THSD7B: variants seen among roughly 807,000 people sequenced by gnomAD.
The protein encoded by THSD7B is thrombospondin type-1 domain-containing protein 7B.
A neutral mutation model predicts 213.6 loss-of-function variants in THSD7B; 138 were observed. That is an observed-to-expected ratio of 0.65 (90% CI 0.56 to 0.74). The LOEUF (loss-of-function observed/expected upper bound fraction) is 0.74. Among genes scored for constraint, THSD7B ranks in the 30% least tolerant of loss-of-function variants. The pLI, the probability that THSD7B is intolerant of heterozygous loss-of-function variation, is 0.00. For missense variants in THSD7B, 1,931 were observed against 1,991.5 expected, an observed-to-expected ratio of 0.97 and a Z score of 0.58; for synonymous variants, 742 against 687.0, an observed-to-expected ratio of 1.08 and a Z score of -1.25.
chr2:137,515,156 A>T (rs1340864187), intron 15 of THSD7B, among the ~76,000 whole-genome samples: 1 of 152,008 alleles, frequency 6.6e-6, no homozygotes, highest in Non-Finnish European at 1.5e-5. Flanking sequence ...AAAGAATAGG[A>T]CCCTGCGACT....
chr2:136,974,596 T>C (rs568706221), intron 2 of THSD7B, among the ~76,000 whole-genome samples: 1 of 152,334 alleles, frequency 6.6e-6, no homozygotes, highest in Non-Finnish European at 1.5e-5. Flanking sequence ...ATCCAGACTA[T>C]CATTCGTGGG....
chr2:137,410,789 A>T (rs1396573069), intron 13 of THSD7B, among the ~76,000 whole-genome samples: 1 of 152,222 alleles, frequency 6.6e-6, no homozygotes. Flanking sequence ...CTAGCTAATG[A>T]CTCATTAATG....
chr2:137,659,626 A>C, intron 24 of THSD7B, 38 bp from the exon 25 acceptor site: 7 of 1,545,138 alleles, frequency 4.5e-6, no homozygotes, highest in Non-Finnish European at 6.1e-6. Flanking sequence ...AATATCTAAT[A>C]GAGAAATCTG....
intron 3 of THSD7B, among the ~76,000 whole-genome samples, chr2:137,062,418 A>T (rs139929536): frequency 6.6e-6 from 1 of 151,652 alleles, no homozygotes; most frequent in African/African-American, 2.4e-5. Flanking sequence ...CTAAGGTGGA[A>T]ACTTAGGTTA....
chr2:137,128,229 C>A (rs1399376481), intron 5 of THSD7B, among the ~76,000 whole-genome samples: 1 of 151,996 alleles, frequency 6.6e-6, no homozygotes, highest in East Asian at 1.9e-4. Context: ...CTTACAACAC[C>A]ACTCGTCATT....
At chr2:136,957,049 C>T (rs1450726891) in intron 2 of THSD7B, among the ~76,000 whole-genome samples, 1 of 152,116 alleles carries the variant, frequency 6.6e-6, no homozygotes, top group Non-Finnish European at 1.5e-5. Context: ...ATTGCCCCTT[C>T]CACTGGTGAC....
intron 14 of THSD7B, among the ~76,000 whole-genome samples, chr2:137,440,986 T>C (rs1407861851): frequency 1.3e-5 from 2 of 152,140 alleles, no homozygotes; most frequent in Admixed American, 6.6e-5. Context: ...AGTTGGGAAA[T>C]GAAGCTGCTA....
At chr2:137,230,197 T>C (rs1681605846) in intron 7 of THSD7B, among the ~76,000 whole-genome samples, 1 of 152,228 alleles carries the variant, frequency 6.6e-6, no homozygotes, top group Non-Finnish European at 1.5e-5. Flanking sequence ...TCATTTGAAA[T>C]ATTTTTCCAT....
intron 10 of THSD7B, among the ~76,000 whole-genome samples, chr2:137,244,556 G>C (rs200164794): frequency 6.6e-6 from 1 of 152,168 alleles, no homozygotes; most frequent in Non-Finnish European, 1.5e-5. Context: ...CACAGGGCAT[G>C]TAAAGTAATT....
At chr2:137,473,639 T>A (rs556681721) in intron 15 of THSD7B, among the ~76,000 whole-genome samples, 26 of 152,228 alleles carry the variant, frequency 1.7e-4, no homozygotes, top group Non-Finnish European at 2.4e-4. Flanking sequence ...AGATGTGTGA[T>A]TGGGAGTGCA....
At chr2:137,282,068 G>A (rs1441803601) in intron 12 of THSD7B, among the ~76,000 whole-genome samples, 2 of 151,416 alleles carry the variant, frequency 1.3e-5, no homozygotes, top group African/African-American at 4.9e-5. Flanking sequence ...AGCACCTGTT[G>A]TTTCCTGACT....
Position 137,170,770 on chromosome 2 carries a change from A to G in THSD7B, c.1555A>G (p.Met519Val). The G allele has an allele frequency of 6.2e-7, 1 of 1,613,572 alleles. No individual in the cohort carries two copies. The highest frequency in any genetic ancestry group is 8.5e-7 in the Non-Finnish European group (1 of 1,179,696). ...TAGAACGAGGCAGCGCCATGTCCTC[A>G]TGGAATCTACAGGGCCTGCAGGGCA... ...GFRTRQRHVL[M>V]ESTGPAGHCP... is the part of the protein sequence containing the mutation. Residue 519 changes from methionine (M) to valine (V), a missense_variant, in exon 7 of 28, where the codon ATG (methionine) becomes GTG (valine). By Grantham distance (21) the Met-to-Val change is conservative (BLOSUM62 1). Coordinates refer to ENST00000409968, the MANE Select transcript of THSD7B (RefSeq NM_001316349.2).
intron 2 of THSD7B, among the ~76,000 whole-genome samples, chr2:136,911,993 A>G (rs1046833301): frequency 2.0e-5 from 3 of 152,090 alleles, no homozygotes; most frequent in Non-Finnish European, 4.4e-5. Context: ...GGGCTGTTGG[A>G]TAGCGGAATG....
chr2:136,840,119 C>T (rs541383078), intron 1 of THSD7B, among the ~76,000 whole-genome samples: 4 of 152,290 alleles, frequency 2.6e-5, no homozygotes, highest in Admixed American at 6.5e-5. Flanking sequence ...TGGCTCACAC[C>T]TGTAATCCCA....
At chr2:137,529,842 T>G (rs1223331396) in intron 15 of THSD7B, among the ~76,000 whole-genome samples, 1 of 151,968 alleles carries the variant, frequency 6.6e-6, no homozygotes, top group African/African-American at 2.4e-5. Flanking sequence ...TGTCAGCACT[T>G]AGAGAAGTGT....
intron 15 of THSD7B, among the ~76,000 whole-genome samples, chr2:137,524,529 C>T (rs1253935222): frequency 6.6e-6 from 1 of 152,044 alleles, no homozygotes; most frequent in African/African-American, 2.4e-5. Context: ...TGGCTGCATC[C>T]TTGTTTATGT....
At chr2:137,143,749 T>C (rs1422270218) in intron 5 of THSD7B, among the ~76,000 whole-genome samples, 1 of 152,128 alleles carries the variant, frequency 6.6e-6, no homozygotes, top group Non-Finnish European at 1.5e-5. Flanking sequence ...TCATTTTTCA[T>C]TCTGTATCTT....
At chr2:137,557,702 A>G (rs1005525023) in intron 15 of THSD7B, among the ~76,000 whole-genome samples, 6 of 152,204 alleles carry the variant, frequency 3.9e-5, no homozygotes, top group Non-Finnish European at 7.3e-5. Context: ...GAAGGCAAGA[A>G]ATAACTAAGA....
chr2:136,932,044 C>T (rs1017187174), intron 2 of THSD7B, among the ~76,000 whole-genome samples: 3 of 152,098 alleles, frequency 2.0e-5, no homozygotes, highest in African/African-American at 7.2e-5. Flanking sequence ...ATTTCAAGTA[C>T]ATTGGTGGCT....
Sources: allele counts gnomAD v4.1 joint callset (sites outside exome capture counted in the v4.1 genomes callset), GRCh38; gene constraint gnomAD v4.1.1; transcripts MANE v1.5; gene names NCBI Gene and HGNC (gene_info 2026-07-23, HGNC 2026-07-21).